C16orf74: variants seen among roughly 807,000 people sequenced by gnomAD.
C16orf74 encodes calcimembrin, also known as uncharacterized protein C16orf74.
Under a neutral mutation model 6.5 loss-of-function variants are expected in C16orf74, and 10 were observed. The ratio of observed to expected loss-of-function variants is 1.54; its 90% CI spans 0.95 to 2.61. The LOEUF (loss-of-function observed/expected upper bound fraction) is 2.61, where lower values mean the gene tolerates loss of function less well. C16orf74 is among the 30% of genes most tolerant of loss of function. The probability of loss-of-function intolerance (pLI) is 0.00; values close to 1 mark genes in which losing one functional copy is unlikely to be tolerated. For missense variants in C16orf74, 141 were observed against 105.9 expected (o/e 1.33, Z -1.45); for synonymous variants, 60 against 42.5 (o/e 1.41, Z -1.60).
chr16:85,719,420 C>A (rs1245583096), intron 2 of C16orf74, among the ~76,000 whole-genome samples: 1 of 152,110 alleles, frequency 6.6e-6, no homozygotes, highest in Non-Finnish European at 1.5e-5. Context: ...CGATGCTGAG[C>A]TTTGAGAACA....
At chr16:85,720,814 G>A (rs1252095401) in intron 2 of C16orf74, among the ~76,000 whole-genome samples, 8 of 150,890 alleles carry the variant, frequency 5.3e-5, no homozygotes, top group East Asian at 1.9e-4. Context: ...GGCGCTGGGC[G>A]TGGCGGCTCA....
chr16:85,731,346 G>T (rs1303868855), intron 2 of C16orf74, among the ~76,000 whole-genome samples: 1 of 152,266 alleles, frequency 6.6e-6, no homozygotes, highest in Non-Finnish European at 1.5e-5. Context: ...GAGGTCACAT[G>T]CCTGTGAAGC....
chr16:85,707,858 G>A lies in C16orf74; in HGVS notation c.*150C>T. 1.5e-6 allele frequency: 1 copy of A among 647,168 alleles called. No individual in the cohort carries two copies. The highest frequency in any genetic ancestry group is 1.9e-5 in the South Asian group (1 of 53,706). 40.1% of individuals were successfully genotyped at this position (647,168 alleles called of 1,614,324 possible). A position where few individuals can be genotyped will look rare whatever the true frequency, so the allele number is the denominator to read the frequency against. On this transcript the variant is annotated 3_prime_UTR_variant, in exon 4 of 4. Coordinates refer to ENST00000284245, the MANE Select transcript of C16orf74 (RefSeq NM_206967.3). ...AAGTGGACAGGCTGGATTCCTCGCTGGTCCTGCCACGTCTCTCTGAGCGGA... is the reference window on the plus strand; with the variant it reads ...AAGTGGACAGGCTGGATTCCTCGCTAGTCCTGCCACGTCTCTCTGAGCGGA...
At chr16:85,725,211 G>A (rs2054121570) in intron 2 of C16orf74, among the ~76,000 whole-genome samples, 1 of 152,200 alleles carries the variant, frequency 6.6e-6, no homozygotes, top group African/African-American at 2.4e-5. Flanking sequence ...GAGCCGAAGG[G>A]AGGCTGGAGT....
intron 1 of C16orf74, among the ~76,000 whole-genome samples, chr16:85,740,886 A>T (rs1351051725): frequency 6.6e-6 from 1 of 151,800 alleles, no homozygotes; most frequent in Non-Finnish European, 1.5e-5. Flanking sequence ...CTCAAGAGTC[A>T]TCATTTCCGT....
intron 2 of C16orf74, among the ~76,000 whole-genome samples, chr16:85,712,224 C>T (rs1012778117): frequency 5.3e-5 from 8 of 152,310 alleles, no homozygotes; most frequent in Admixed American, 2.6e-4. Flanking sequence ...ACTGCAGCCC[C>T]GGCTGACATC....
At chr16:85,733,978 G>T (rs1208369538) in intron 2 of C16orf74, among the ~76,000 whole-genome samples, 1 of 152,204 alleles carries the variant, frequency 6.6e-6, no homozygotes, top group African/African-American at 2.4e-5. Context: ...CTCCTGGAGC[G>T]GATTCCTCCC....
chr16:85,719,583 G>A (rs1372137192), intron 2 of C16orf74, among the ~76,000 whole-genome samples: 2 of 152,124 alleles, frequency 1.3e-5, no homozygotes, highest in East Asian at 1.9e-4. Flanking sequence ...CTGGGGGCTG[G>A]AAGCACAAAG....
chr16:85,727,160 C>G (rs967863069), intron 2 of C16orf74, among the ~76,000 whole-genome samples: 1 of 152,246 alleles, frequency 6.6e-6, no homozygotes, highest in African/African-American at 2.4e-5. Context: ...GGAACAATCT[C>G]TCACGCAATT....
chr16:85,740,226 A>AAAG (rs1370219393), intron 1 of C16orf74, among the ~76,000 whole-genome samples: 1 of 147,040 alleles, frequency 6.8e-6, no homozygotes, highest in African/African-American at 2.6e-5. Flanking sequence ...AAAAAAAAAA[A>AAAG]AAAAGAAAAA....
At chr16:85,739,511 T>C (rs2054279957) in intron 1 of C16orf74, among the ~76,000 whole-genome samples, 1 of 152,088 alleles carries the variant, frequency 6.6e-6, no homozygotes, top group African/African-American at 2.4e-5. Flanking sequence ...CAGGGAGGCG[T>C]CACCATGAGA....
intron 2 of C16orf74, among the ~76,000 whole-genome samples, chr16:85,716,544 AAGG>A (rs2054026030): frequency 8.4e-6 from 1 of 118,554 alleles, no homozygotes; most frequent in South Asian, 3.5e-4. Context: ...GGAGGGAGGG[AAGG>A]AGGACAGAGG....
At chr16:85,740,359 A>T (rs560437016) in intron 1 of C16orf74, among the ~76,000 whole-genome samples, 1 of 151,560 alleles carries the variant, frequency 6.6e-6, no homozygotes, top group South Asian at 2.1e-4. Context: ...GTTCGAGACC[A>T]GCCTGGCCAA....
At chr16:85,743,666 C>T (rs532142317) in intron 1 of C16orf74, 1 of 152,322 alleles carries the variant, frequency 6.6e-6, no homozygotes, top group South Asian at 2.1e-4. Flanking sequence ...AGCCTGTAAT[C>T]CCAGCACTTT....
intron 2 of C16orf74, among the ~76,000 whole-genome samples, chr16:85,734,766 T>C (rs2054226218): frequency 6.6e-6 from 1 of 152,194 alleles, no homozygotes; most frequent in South Asian, 2.1e-4. Context: ...TGTGTCCTTC[T>C]AGAACTTTCT....
At chr16:85,738,392 T>G (rs2054268035) in intron 1 of C16orf74, among the ~76,000 whole-genome samples, 1 of 150,314 alleles carries the variant, frequency 6.7e-6, no homozygotes, top group Admixed American at 6.7e-5. Flanking sequence ...TGGCGTGACC[T>G]TGGCTCACCA....
At chr16:85,736,753 C>G (rs1484843681) in intron 1 of C16orf74, among the ~76,000 whole-genome samples, 1 of 152,190 alleles carries the variant, frequency 6.6e-6, no homozygotes, top group Non-Finnish European at 1.5e-5. Flanking sequence ...CTTTCCTCAT[C>G]TTTAAAATGG....
At chr16:85,744,942 G>C (rs1392757222) in intron 1 of C16orf74, among the ~76,000 whole-genome samples, 2 of 150,846 alleles carry the variant, frequency 1.3e-5, no homozygotes, top group Middle Eastern at 3.2e-3. Flanking sequence ...GGGAGTTCAA[G>C]ACCAGCCTGA....
At chr16:85,719,091 C>G (rs1012504645) in intron 2 of C16orf74, among the ~76,000 whole-genome samples, 1 of 152,250 alleles carries the variant, frequency 6.6e-6, no homozygotes, top group Non-Finnish European at 1.5e-5. Context: ...GCCTCTCGGC[C>G]TGGGCTTTCT....
Sources: gnomAD v4.1 joint callset for allele counts (sites outside exome capture counted in the v4.1 genomes callset) on GRCh38, gnomAD v4.1.1 for gene constraint, MANE v1.5 for transcripts, NCBI Gene and HGNC (gene_info 2026-07-23, HGNC 2026-07-21) for gene names.